The following SDK1 variants were observed in gnomAD, a reference collection of about 807,000 sequenced individuals.
SDK1 encodes the protein protein sidekick-1.
Under a neutral mutation model 245.5 loss-of-function variants are expected in SDK1, and 157 were observed. The observed-to-expected ratio is 0.64, with a 90% CI of 0.56 to 0.73. The LOEUF (loss-of-function observed/expected upper bound fraction) is 0.73. SDK1 is among the 30% of genes least tolerant of loss of function. The pLI, the probability that SDK1 is intolerant of heterozygous loss-of-function variation, is 0.00. For missense variants in SDK1, 3,583 were observed against 3,002.3 expected, an observed-to-expected ratio of 1.19 and a Z score of -4.52; for synonymous variants, 1,647 against 1,278.5, an observed-to-expected ratio of 1.29 and a Z score of -6.15.
At chr7:3,435,319 GC>G (rs1394302540) in intron 1 of SDK1, among the ~76,000 whole-genome samples, 27 of 103,688 alleles carry the variant, frequency 2.6e-4, no homozygotes, top group African/African-American at 1.3e-3. Context: ...GAAGGGGACT[GC>G]CTTTTTTTTT....
rs983125777 is a variant in SDK1, at chr7:4,026,354, G to C, written c.2602+9002G>C. On this transcript the variant is annotated intron_variant, in intron 17 of 44. Transcript: ENST00000404826. This position sits in a 1 kb window ranked among gnomAD's most constrained non-coding sequence, Gnocchi z 4.1. ...CTTGGGCCCATGTTTTAGAAGCTCA[G>C]CGTTTGGCATGGGCGAAGATATATT... 6.6e-6 allele frequency among the ~76,000 whole-genome samples: 1 copy of C among 152,370 alleles called. No individual in the cohort carries two copies. Among genetic ancestry groups the C allele is most frequent in the South Asian group, 2.1e-4 (1 of 4,832 alleles).
At chr7:3,503,097 A>G (rs1051496455) in intron 1 of SDK1, among the ~76,000 whole-genome samples, 7 of 152,198 alleles carry the variant, frequency 4.6e-5, no homozygotes, top group Non-Finnish European at 1.0e-4. Context: ...AATTGTATGG[A>G]GACATTGGTG....
rs1183472032 is a variant in SDK1 at position 4,205,972 on chromosome 7, A to G, written c.5192A>G (p.Asn1731Ser). Reference protein sequence around the residue: ...TWDPPPPESQNGNIQGYKIYY... With the variant: ...TWDPPPPESQSGNIQGYKIYY... ...GACCCACCACCCCCGGAGAGCCAGAATGGGAACATCCAAGGCTACAAGGCA... is the reference window on the plus strand; with the variant it reads ...GACCCACCACCCCCGGAGAGCCAGAGTGGGAACATCCAAGGCTACAAGGCA... The change falls in exon 36 of 45, where the codon AAT (asparagine) becomes AGT (serine). Residue 1731 changes from asparagine (N) to serine (S), a missense_variant. Coordinates refer to ENST00000404826, the MANE Select transcript of SDK1 (RefSeq NM_152744.4). 10 of 1,556,306 alleles carry G rather than the reference A, an allele frequency of 6.4e-6. No individual in the cohort carries two copies. The highest frequency in any genetic ancestry group is 8.7e-6 in the Non-Finnish European group (10 of 1,149,692).
In SDK1 at chr7:3,642,106, G is replaced by T; in HGVS notation, c.713+1G>T. On this transcript the variant is annotated splice_donor_variant, in intron 4 of 44. Transcript: ENST00000404826. LOFTEE classifies it high-confidence loss of function. ...ACAAGATTATTCCAAGCAACAGAAT[G>T]TAAGTTGCTCCAAACGTTAAAGCTT... 1.9e-6 allele frequency: 3 copies of T among 1,613,704 alleles called. No individual in the cohort carries two copies. Among genetic ancestry groups the T allele is most frequent in the Non-Finnish European group, 2.5e-6 (3 of 1,179,726 alleles).
intron 5 of SDK1, among the ~76,000 whole-genome samples, chr7:3,867,745 A>C (rs552094948): frequency 2.7e-4 from 41 of 152,288 alleles, no homozygotes; most frequent in Admixed American, 6.5e-4. Flanking sequence ...CATCACTTAA[A>C]ATATGGTTTT....
intron 42 of SDK1, among the ~76,000 whole-genome samples, chr7:4,240,481 C>G (rs1280634701): frequency 6.6e-6 from 1 of 152,124 alleles, no homozygotes; most frequent in Admixed American, 6.5e-5. Flanking sequence ...CATCCCAAAT[C>G]CCCTCTCCCA....
intron 24 of SDK1, 116 bp from the exon 25 acceptor site, chr7:4,113,921 C>G (rs970708208): frequency 1.1e-5 from 8 of 730,354 alleles, no homozygotes; most frequent in African/African-American, 1.8e-5. Context: ...AAGACTATTT[C>G]CCCCAGGAAC....
At chr7:3,874,116 C>T (rs1781018709) in intron 5 of SDK1, among the ~76,000 whole-genome samples, 2 of 152,122 alleles carry the variant, frequency 1.3e-5, no homozygotes, top group South Asian at 2.1e-4. Context: ...TCCACTGGGC[C>T]ATTAATATGA....
intron 1 of SDK1, among the ~76,000 whole-genome samples, chr7:3,613,895 TCTC>T (rs1290636478): frequency 6.6e-6 from 1 of 152,084 alleles, no homozygotes; most frequent in African/African-American, 2.4e-5. Context: ...TACCACATGT[TCTC>T]CTCCTATAAG....
At chr7:3,926,483 C>T (rs1042605830) in intron 5 of SDK1, among the ~76,000 whole-genome samples, 2 of 152,174 alleles carry the variant, frequency 1.3e-5, no homozygotes, top group African/African-American at 4.8e-5. Flanking sequence ...ATTTTAAAGA[C>T]AGGATCTCGC....
At chr7:3,772,241 ATTT>A in intron 4 of SDK1, among the ~76,000 whole-genome samples, 1 of 148,472 alleles carries the variant, frequency 6.7e-6, no homozygotes, top group Non-Finnish European at 1.5e-5. Context: ...ACATGTTTGA[ATTT>A]TTTTCTTTTT....
chr7:3,741,987 CATATATATATAT>C (rs142076799), intron 4 of SDK1, among the ~76,000 whole-genome samples: 8 of 132,118 alleles, frequency 6.1e-5, no homozygotes, highest in African/African-American at 1.2e-4. Flanking sequence ...TTGTAGTGTG[CATATATATATAT>C]ATATATATAT....
At chr7:3,715,264 C>T (rs549838043) in intron 4 of SDK1, among the ~76,000 whole-genome samples, 1 of 152,146 alleles carries the variant, frequency 6.6e-6, no homozygotes, top group African/African-American at 2.4e-5. Context: ...AGATGAGCTG[C>T]AGACTATATA....
intron 5 of SDK1, among the ~76,000 whole-genome samples, chr7:3,938,468 C>G (rs1780237381): frequency 6.6e-6 from 1 of 151,978 alleles, no homozygotes; most frequent in Non-Finnish European, 1.5e-5. Context: ...CGGTGAAACC[C>G]TGTCTCTACT....
At chr7:4,144,615 G>T (rs1304638553) in intron 28 of SDK1, among the ~76,000 whole-genome samples, 1 of 152,022 alleles carries the variant, frequency 6.6e-6, no homozygotes, top group Non-Finnish European at 1.5e-5. Flanking sequence ...GAGGATGCCT[G>T]TGAGCTCGGT....
At chr7:3,594,470 A>G (rs1780986926) in intron 1 of SDK1, among the ~76,000 whole-genome samples, 3 of 152,162 alleles carry the variant, frequency 2.0e-5, no homozygotes, top group African/African-American at 7.2e-5. Context: ...GTATATACCT[A>G]AGGATGGAAT....
At chr7:3,835,457 C>T (rs545231173) in intron 5 of SDK1, among the ~76,000 whole-genome samples, 5 of 152,276 alleles carry the variant, frequency 3.3e-5, no homozygotes, top group East Asian at 1.9e-4. Flanking sequence ...GGCTTTACTA[C>T]GTTGCTGGAC....
At chr7:3,650,491 A>G (rs1347079868) in intron 4 of SDK1, among the ~76,000 whole-genome samples, 7 of 152,210 alleles carry the variant, frequency 4.6e-5, no homozygotes, top group Non-Finnish European at 5.9e-5. Context: ...TAAACGTAGT[A>G]TCTGAGATAA....
intron 19 of SDK1, among the ~76,000 whole-genome samples, chr7:4,065,968 A>G (rs1562756167): frequency 6.6e-6 from 1 of 151,982 alleles, no homozygotes; most frequent in Non-Finnish European, 1.5e-5. Context: ...AAAGACTTGC[A>G]TTTTTTATTA....
Sources: allele counts gnomAD v4.1 joint callset (sites outside exome capture counted in the v4.1 genomes callset), GRCh38; gene constraint gnomAD v4.1.1; non-coding constraint Gnocchi (gnomAD v3.1); transcripts MANE v1.5; gene names NCBI Gene and HGNC (gene_info 2026-07-23, HGNC 2026-07-21).